The following TNRC6B variants were observed in gnomAD, a reference collection of about 807,000 sequenced individuals.
The protein encoded by TNRC6B is trinucleotide repeat-containing gene 6B protein.
In TNRC6B, 52 loss-of-function variants were observed where a neutral mutation model predicts 203.6. The ratio of observed to expected loss-of-function variants is 0.26; its 90% confidence interval spans 0.20 to 0.32. The LOEUF is 0.32. Among genes scored for constraint, TNRC6B ranks in the 10% least tolerant of loss-of-function variants. The pLI is 1.00. For synonymous variants in TNRC6B, 838 were observed against 845.7 expected, an observed-to-expected ratio of 0.99 and a Z score of 0.16; for missense variants, 1,923 against 2,286.2, an observed-to-expected ratio of 0.84 and a Z score of 3.24.
At chr22:40,237,631 T>C (rs2069965605) in intron 1 of TNRC6B, among the ~76,000 whole-genome samples, 1 of 152,036 alleles carries the variant, frequency 6.6e-6, no homozygotes, top group South Asian at 2.1e-4. Flanking sequence ...GGTAGCCATC[T>C]CCCTTCCCCC....
At chr22:40,235,806 A>G (rs1488536217) in intron 1 of TNRC6B, among the ~76,000 whole-genome samples, 1 of 151,734 alleles carries the variant, frequency 6.6e-6, no homozygotes, top group Non-Finnish European at 1.5e-5. Context: ...ATTCTAGAGT[A>G]TTTTTGGAAA....
intron 10 of TNRC6B, 103 bp from the exon 11 acceptor site, chr22:40,281,016 C>G: frequency 9.7e-7 from 1 of 1,025,956 alleles, no homozygotes; most frequent in East Asian, 2.7e-5. Flanking sequence ...CTAATACACT[C>G]TAACTTTGTT....
chr22:40,249,741 T>C (rs897727895), intron 2 of TNRC6B, among the ~76,000 whole-genome samples: 1 of 152,238 alleles, frequency 6.6e-6, no homozygotes, highest in African/African-American at 2.4e-5. Flanking sequence ...AATTGGTATG[T>C]GGCTGCATTG....
intron 1 of TNRC6B, among the ~76,000 whole-genome samples, chr22:40,230,306 T>TA (rs1183059347): frequency 2.5e-5 from 3 of 122,218 alleles, no homozygotes; most frequent in Admixed American, 8.8e-5. Context: ...TTTTTTTTTT[T>TA]AAAGACAGGT....
At chr22:40,076,635 T>G (rs1162480514) in intron 1 of TNRC6B, among the ~76,000 whole-genome samples, 1 of 152,142 alleles carries the variant, frequency 6.6e-6, no homozygotes, top group East Asian at 1.9e-4. Context: ...ACTCTTGGCC[T>G]CAAGCAGTCT....
intron 1 of TNRC6B, among the ~76,000 whole-genome samples, chr22:40,202,260 G>GTTTTTGTTTTT (rs761983025): frequency 7.7e-6 from 1 of 129,778 alleles, no homozygotes; most frequent in Non-Finnish European, 1.7e-5. Context: ...TTGTTTTTTT[G>GTTTTTGTTTTT]TTTTTTTTTT....
At chr22:40,302,314 A>C (rs938959577) in intron 15 of TNRC6B, among the ~76,000 whole-genome samples, 5 of 152,170 alleles carry the variant, frequency 3.3e-5, no homozygotes, top group African/African-American at 1.2e-4. Flanking sequence ...TTATCTTCTA[A>C]AGAAGATACT....
chr22:40,154,493 T>G lies in TNRC6B; in HGVS notation c.46-1622T>G, dbSNP rs1289945093. On this transcript the variant is annotated intron_variant, in intron 3 of 23. Coordinates refer to the TNRC6B transcript ENST00000301923. The stretch of plus-strand genomic sequence containing the variant: ...ATAAATAAATAAATAAATAATAAAA[T>G]AAAAGCATGTATATACGTATGTATG... 2.0e-5 allele frequency among the ~76,000 whole-genome samples: 3 copies of G among 150,278 alleles called. No homozygotes were observed. In the South Asian group the frequency reaches 6.3e-4, roughly 32 times the overall value.
At chr22:40,115,379 G>C (rs2068378363) in intron 1 of TNRC6B, among the ~76,000 whole-genome samples, 2 of 152,198 alleles carry the variant, frequency 1.3e-5, no homozygotes, top group African/African-American at 4.8e-5. Context: ...CCTCTGAAGT[G>C]CTGAGGGTCA....
chr22:40,055,034 C>T (rs6001736), intron 1 of TNRC6B, among the ~76,000 whole-genome samples: 1,792 of 152,214 alleles, frequency 0.012, 35 homozygotes, highest in African/African-American at 0.041. Flanking sequence ...AAGACTCCGT[C>T]TCCAAAAAAA....
intron 1 of TNRC6B, among the ~76,000 whole-genome samples, chr22:40,076,583 T>C (rs903776734): frequency 1.4e-4 from 22 of 152,232 alleles, no homozygotes; most frequent in African/African-American, 5.1e-4. Context: ...TTTCTTTCTT[T>C]TGTAGAGACA....
intron 15 of TNRC6B, 117 bp from the exon 16 acceptor site, chr22:40,308,395 G>A (rs1268077375): frequency 8.3e-7 from 1 of 1,198,776 alleles, no homozygotes; most frequent in Non-Finnish European, 1.2e-6. Flanking sequence ...CTGTTTCTGA[G>A]TGGAGAAACT....
Position 40,220,707 on chromosome 22 carries a change from A to G in TNRC6B, c.6-25308A>G, listed in dbSNP as rs181112822. On this transcript the variant is annotated intron_variant, in intron 1 of 22. Transcript: ENST00000454349. ...AAAAAGCAAAAGATGCACGTAAAAC[A>G]GTGGAAAGCTTAACTATAGAAACCC... Among the ~76,000 whole-genome samples the G allele has an allele frequency of 3.1e-3, 479 of 152,312 alleles. 2 individuals carry two copies. Among genetic ancestry groups the G allele is most frequent in the South Asian group, 0.015 (72 of 4,824 alleles).
chr22:40,138,918 C>T (rs2146336276), intron 3 of TNRC6B, among the ~76,000 whole-genome samples: 2 of 152,188 alleles, frequency 1.3e-5, no homozygotes, highest in Middle Eastern at 6.8e-3. Flanking sequence ...ATGTTCTTTC[C>T]TTTTCCTTTT....
chr22:40,323,878 G>A lies in TNRC6B; in HGVS notation c.*637G>A, dbSNP rs2071371477. 6.6e-6 allele frequency: 1 copy of A among 152,486 alleles called. No individual in the cohort carries two copies. The highest frequency in any genetic ancestry group is 1.9e-4 in the East Asian group (1 of 5,178). The allele number at this position is 152,486 out of a possible 1,614,324, so 9.4% of individuals were successfully genotyped here. ...GTAACTGCCCAGGCATGCTCGTTCTGGTGTGTGTGTGCACGTGTGTTCATG... is the reference window on the plus strand; with the variant it reads ...GTAACTGCCCAGGCATGCTCGTTCTAGTGTGTGTGTGCACGTGTGTTCATG... On this transcript the variant is annotated 3_prime_UTR_variant, in exon 23 of 23. Transcript: ENST00000454349.
chr22:40,142,408 G>C (rs1195372720), intron 3 of TNRC6B, among the ~76,000 whole-genome samples: 1 of 151,884 alleles, frequency 6.6e-6, no homozygotes, highest in Non-Finnish European at 1.5e-5. Flanking sequence ...CCCAGGGTAG[G>C]GCTTAGGCAT....
intron 1 of TNRC6B, among the ~76,000 whole-genome samples, chr22:40,080,110 T>TG (rs1400144799): frequency 4.0e-5 from 6 of 149,122 alleles, no homozygotes; most frequent in African/African-American, 1.5e-4. Context: ...TTTTTTTTTT[T>TG]TTTGTGTAGA....
chr22:40,169,146 T>C (rs1285508406), intron 4 of TNRC6B, among the ~76,000 whole-genome samples: 1 of 149,908 alleles, frequency 6.7e-6, no homozygotes, highest in Non-Finnish European at 1.5e-5. Context: ...TTTTTTTTTT[T>C]TTTTGAGACG....
At chr22:40,191,908 G>A (rs2069279373) in intron 1 of TNRC6B, among the ~76,000 whole-genome samples, 1 of 152,152 alleles carries the variant, frequency 6.6e-6, no homozygotes, top group African/African-American at 2.4e-5. Flanking sequence ...GCACCACCAT[G>A]CCCAGCTAAT....
Sources: allele counts gnomAD v4.1 joint callset (sites outside exome capture counted in the v4.1 genomes callset), GRCh38; gene constraint gnomAD v4.1.1; transcripts MANE v1.5; gene names NCBI Gene and HGNC (gene_info 2026-07-23, HGNC 2026-07-21).